PAGE2B: variants seen among roughly 807,000 people sequenced by gnomAD.
PAGE2B encodes putative G antigen family E member 3.
In PAGE2B, 5 loss-of-function variants were observed where a neutral mutation model predicts 7.6. The ratio of observed to expected loss-of-function variants is 0.66; its 90% CI spans 0.34 to 1.38. The LOEUF (loss-of-function observed/expected upper bound fraction) is 1.38, where lower values mean the gene tolerates loss of function less well. PAGE2B is among the 40% of genes most tolerant of loss of function. The pLI, the probability that PAGE2B is intolerant of heterozygous loss-of-function variation, is 0.04. For missense variants in PAGE2B, 70 were observed against 78.4 expected (o/e 0.89, Z 0.41); for synonymous variants, 29 against 26.7 (o/e 1.09, Z -0.27).
the PAGE2B span, among the ~76,000 whole-genome samples, chrX:55,062,122 A>G: frequency 9.0e-6 from 1 of 111,492 alleles, no homozygotes; most frequent in African/African-American, 3.3e-5. Context: ...TGGGAATAGG[A>G]TTGTTGGATC....
At chrX:55,041,850 G>T in the PAGE2B span, among the ~76,000 whole-genome samples, 2 of 111,749 alleles carry the variant, frequency 1.8e-5, no homozygotes, top group African/African-American at 6.5e-5. Context: ...GGAGGAGCAG[G>T]TGCAGCTGAA....
At chrX:55,071,263 G>T (rs1424090666), upstream of PAGE2B, among the ~76,000 whole-genome samples, 1 of 110,781 alleles carries the variant, frequency 9.0e-6, no homozygotes, top group East Asian at 2.8e-4. Context: ...AAATCTCTCG[G>T]CATTTGCTTG....
chrX:55,030,605 C>T, the PAGE2B span, among the ~76,000 whole-genome samples: 1 of 108,631 alleles, frequency 9.2e-6, no homozygotes, highest in Non-Finnish European at 1.9e-5. Context: ...AGGAAAGAGA[C>T]AAAAAGGGGG....
chrX:55,043,584 C>T, the PAGE2B span, among the ~76,000 whole-genome samples: 1 of 111,320 alleles, frequency 9.0e-6, no homozygotes, highest in African/African-American at 3.3e-5. Flanking sequence ...TGAAGAAATG[C>T]TCAACATCAC....
At chrX:55,041,272 G>A in the PAGE2B span, among the ~76,000 whole-genome samples, 3 of 108,198 alleles carry the variant, frequency 2.8e-5, no homozygotes, top group Admixed American at 9.9e-5. Context: ...TAGCAGAGAC[G>A]GGATTTCACC....
the PAGE2B span, among the ~76,000 whole-genome samples, chrX:55,069,410 GC>G: frequency 9.0e-6 from 1 of 111,535 alleles, no homozygotes; most frequent in Non-Finnish European, 1.9e-5. Flanking sequence ...TGCTGGATGA[GC>G]TTTTTGATGT....
At chrX:55,049,122 A>G in the PAGE2B span, among the ~76,000 whole-genome samples, 4 of 111,472 alleles carry the variant, frequency 3.6e-5, no homozygotes, top group African/African-American at 1.3e-4. Flanking sequence ...TGATTTGCAT[A>G]TGTTGAACCA....
the PAGE2B span, among the ~76,000 whole-genome samples, chrX:55,066,254 C>G: frequency 5.4e-5 from 6 of 111,492 alleles, no homozygotes; most frequent in African/African-American, 2.0e-4. Context: ...TCACGTGCAG[C>G]TAATTTTTGT....
chrX:55,050,808 G>A, the PAGE2B span, among the ~76,000 whole-genome samples: 39 of 111,269 alleles, frequency 3.5e-4, no homozygotes, highest in African/African-American at 1.2e-3. Flanking sequence ...GCCCATTTAC[G>A]TTTAAGGTTA....
the PAGE2B span, among the ~76,000 whole-genome samples, chrX:55,059,494 A>G: frequency 8.9e-6 from 1 of 111,781 alleles, no homozygotes; most frequent in Non-Finnish European, 1.9e-5. Context: ...ATTAATTTTT[A>G]ATTGAAAAAT....
the PAGE2B span, among the ~76,000 whole-genome samples, chrX:55,045,445 T>A: frequency 8.9e-6 from 1 of 111,756 alleles, no homozygotes; most frequent in Non-Finnish European, 1.9e-5. Flanking sequence ...ATGACCCTGC[T>A]TGTAACATCT....
chrX:55,062,013 T>A, the PAGE2B span, among the ~76,000 whole-genome samples: 3 of 111,792 alleles, frequency 2.7e-5, no homozygotes, highest in African/African-American at 9.7e-5. Context: ...GACACTTAGG[T>A]TGCTTCCAAA....
At chrX:55,060,143 G>A in the PAGE2B span, among the ~76,000 whole-genome samples, 1 of 111,007 alleles carries the variant, frequency 9.0e-6, no homozygotes, top group East Asian at 2.8e-4. Context: ...ACTTCCTTTG[G>A]GTATATAGCT....
At chrX:55,035,456 T>C in the PAGE2B span, among the ~76,000 whole-genome samples, 4 of 111,613 alleles carry the variant, frequency 3.6e-5, no homozygotes, top group Non-Finnish European at 5.6e-5. Context: ...AGGCAGAGGG[T>C]ACAATATCAA....
rs1263987162 is a variant in PAGE2B, at chrX:55,076,037, G to A, written c.-5G>A. The A allele has an allele frequency of 7.5e-6, 9 of 1,201,894 alleles. No individual in the cohort carries two copies. The highest frequency in any genetic ancestry group is 7.9e-6 in the Non-Finnish European group (7 of 889,798). On this transcript the variant is annotated 5_prime_UTR_variant, in exon 2 of 5. Transcript: ENST00000374971. ...AATAACAGTATTCTATTTTCAGTGGGAAATATGAGTGAGCATGTGAGAACA... is the reference window on the plus strand; with the variant it reads ...AATAACAGTATTCTATTTTCAGTGGAAAATATGAGTGAGCATGTGAGAACA...
chrX:55,050,964 T>G, the PAGE2B span, among the ~76,000 whole-genome samples: 11 of 111,674 alleles, frequency 9.9e-5, no homozygotes, highest in Middle Eastern at 4.2e-3. Context: ...TCCTTTCCAT[T>G]TTTAGTGCTT....
At chrX:55,059,139 C>T in the PAGE2B span, among the ~76,000 whole-genome samples, 1 of 111,863 alleles carries the variant, frequency 8.9e-6, no homozygotes, top group East Asian at 2.8e-4. Flanking sequence ...GTGACTTAAA[C>T]AACAGACATT....
At chrX:55,032,657 C>A in the PAGE2B span, among the ~76,000 whole-genome samples, 1 of 111,476 alleles carries the variant, frequency 9.0e-6, no homozygotes, top group South Asian at 3.8e-4. Flanking sequence ...ATGAGAAGAA[C>A]TTTGAATAAT....
At chrX:55,035,654 G>A in the PAGE2B span, among the ~76,000 whole-genome samples, 1 of 111,966 alleles carries the variant, frequency 8.9e-6, no homozygotes, top group African/African-American at 3.2e-5. Flanking sequence ...ATCAGCCCTC[G>A]AGCCAGATTA....
Sources: allele counts gnomAD v4.1 joint callset (sites outside exome capture counted in the v4.1 genomes callset), GRCh38; gene constraint gnomAD v4.1.1; transcripts MANE v1.5; gene names NCBI Gene and HGNC (gene_info 2026-07-23, HGNC 2026-07-21).